The following RABGAP1 variants were observed in gnomAD, a reference collection of about 807,000 sequenced individuals.
The protein encoded by RABGAP1 is RAB GTPase activating protein 1, also known as rab GTPase-activating protein 1.
A neutral mutation model predicts 137.6 loss-of-function variants in RABGAP1; 23 were observed. That is an observed-to-expected ratio of 0.17 (90% CI 0.12 to 0.24). RABGAP1 has a LOEUF of 0.24. Ranked by LOEUF, RABGAP1 falls within the 10% of genes least tolerant of loss-of-function variation. The probability of loss-of-function intolerance (pLI) is 1.00; values close to 1 mark genes in which losing one functional copy is unlikely to be tolerated. For synonymous variants in RABGAP1, 451 were observed against 450.7 expected (o/e 1.00, Z -0.01); for missense variants, 906 against 1,275.8 (o/e 0.71, Z 4.42).
At chr9:122,940,150 T>C (rs950871368), upstream of RABGAP1, 1 of 152,224 alleles carries the variant, frequency 6.6e-6, no homozygotes, top group Non-Finnish European at 1.5e-5. Flanking sequence ...CACTGCATCC[T>C]GGACAAGATA....
In RABGAP1 at chr9:123,045,184, T is replaced by C. The variant is rs537571176; in HGVS notation, c.1795-20164T>C. Among the ~76,000 whole-genome samples the C allele has an allele frequency of 4.6e-5, 7 of 152,372 alleles. 1 individual carries two copies. The South Asian group carries it at 1.0e-3, about 23-fold the overall frequency. ...GCAAATACTTACTGAGTTGAATTGT[T>C]AAGGCAATATTTTGGGGAGAAAGAC... On this transcript the variant is annotated intron_variant, in intron 13 of 25. Coordinates refer to ENST00000373647, the MANE Select transcript of RABGAP1 (RefSeq NM_012197.4).
At chr9:122,950,387 T>C (rs1334425758) in intron 1 of RABGAP1, among the ~76,000 whole-genome samples, 4 of 144,900 alleles carry the variant, frequency 2.8e-5, no homozygotes, top group African/African-American at 7.6e-5. Flanking sequence ...CTTTTTTTTT[T>C]TTTTTTTTTT....
chr9:123,039,074 C>T (rs2132013830), intron 13 of RABGAP1, among the ~76,000 whole-genome samples: 1 of 152,100 alleles, frequency 6.6e-6, no homozygotes, highest in East Asian at 1.9e-4. Flanking sequence ...AAGTGCTTTG[C>T]AAATAAAAAT....
chr9:122,977,083 A>T (rs565974311), intron 2 of RABGAP1, among the ~76,000 whole-genome samples: 1 of 152,322 alleles, frequency 6.6e-6, no homozygotes, highest in Admixed American at 6.5e-5. Flanking sequence ...TTTGGGCTTT[A>T]TCTTGTGGGC....
At chr9:122,982,137 A>C (rs997917503) in intron 2 of RABGAP1, among the ~76,000 whole-genome samples, 1 of 152,270 alleles carries the variant, frequency 6.6e-6, no homozygotes, top group South Asian at 2.1e-4. Flanking sequence ...CTAACATGAT[A>C]ATTGTTGAGT....
intron 19 of RABGAP1, among the ~76,000 whole-genome samples, chr9:123,083,422 A>T (rs545933185): frequency 6.6e-6 from 1 of 152,120 alleles, no homozygotes; most frequent in Admixed American, 6.5e-5. Context: ...TTCTGAATGG[A>T]TGCTCTCTCT....
chr9:122,987,201 A>G (rs1281701492), intron 4 of RABGAP1, among the ~76,000 whole-genome samples: 1 of 152,210 alleles, frequency 6.6e-6, no homozygotes, highest in East Asian at 1.9e-4. Context: ...AGCTGTTTAT[A>G]CTAATAGAAC....
the RABGAP1 span, among the ~76,000 whole-genome samples, chr9:122,933,066 G>C: frequency 6.6e-6 from 1 of 152,132 alleles, no homozygotes; most frequent in African/African-American, 2.4e-5. Context: ...TGGGTGGAAT[G>C]TTCTGTATAT....
intron 6 of RABGAP1, among the ~76,000 whole-genome samples, chr9:122,991,105 G>A (rs974536672): frequency 2.0e-5 from 3 of 151,692 alleles, no homozygotes; most frequent in Non-Finnish European, 4.4e-5. Flanking sequence ...CCATGGAATA[G>A]AAGTCAAAAC....
chr9:123,041,565 A>G (rs945695664), intron 13 of RABGAP1, among the ~76,000 whole-genome samples: 7 of 152,230 alleles, frequency 4.6e-5, no homozygotes, highest in African/African-American at 1.7e-4. Flanking sequence ...TTGAATATGC[A>G]TATTTCTGTT....
At chr9:122,996,931 A>G (rs765045526) in intron 8 of RABGAP1, 4 of 500,974 alleles carry the variant, frequency 8.0e-6, no homozygotes, top group Non-Finnish European at 1.5e-5. Context: ...AGTAGGAGTT[A>G]TTAGTATTAT....
chr9:123,038,818 C>T (rs561100839), intron 13 of RABGAP1, among the ~76,000 whole-genome samples: 35 of 151,706 alleles, frequency 2.3e-4, no homozygotes, highest in African/African-American at 5.6e-4. Context: ...TGGCTGTAAA[C>T]GAGTCATTTG....
intron 13 of RABGAP1, among the ~76,000 whole-genome samples, chr9:123,052,812 C>T (rs1482788948): frequency 2.0e-5 from 3 of 152,112 alleles, no homozygotes; most frequent in East Asian, 1.9e-4. Context: ...TGATGGTGCA[C>T]GCCTGTAATC....
intron 6 of RABGAP1, among the ~76,000 whole-genome samples, chr9:122,993,024 AATT>A (rs1326123029): frequency 4.6e-5 from 7 of 151,776 alleles, no homozygotes; most frequent in East Asian, 1.9e-4. Context: ...GTTTTCAAAG[AATT>A]ATTATTATGA....
At chr9:122,963,436 A>C (rs1161428377) in intron 2 of RABGAP1, among the ~76,000 whole-genome samples, 1 of 152,186 alleles carries the variant, frequency 6.6e-6, no homozygotes, top group African/African-American at 2.4e-5. Flanking sequence ...GTATTAATCC[A>C]ACCATAAGGG....
At chr9:123,019,868 T>C (rs2031502222) in intron 12 of RABGAP1, among the ~76,000 whole-genome samples, 1 of 151,998 alleles carries the variant, frequency 6.6e-6, no homozygotes, top group Non-Finnish European at 1.5e-5. Context: ...TTTTTGTATT[T>C]AGATGGGGTT....
chr9:123,034,977 T>C, intron 13 of RABGAP1: 1 of 1,613,768 alleles, frequency 6.2e-7, no homozygotes, highest in South Asian at 1.1e-5. Flanking sequence ...CTTTAACCTA[T>C]AATACTCTGG....
chr9:122,989,908 T>C, intron 5 of RABGAP1, 148 bp from the exon 6 acceptor site: 1 of 892,398 alleles, frequency 1.1e-6, no homozygotes. Flanking sequence ...TTGCTTGCTT[T>C]ATAGGCCTAA....
chr9:123,074,307 A>G lies in RABGAP1; in HGVS notation c.2132A>G (p.Asn711Ser), dbSNP rs757216548. The change falls in exon 17 of 26, where the codon AAC (asparagine) becomes AGC (serine). Residue 711 changes from asparagine to serine, a missense_variant. Physicochemically the swap from Asn to Ser is conservative, Grantham distance 46 (BLOSUM62 1). Coordinates refer to ENST00000373647, the MANE Select transcript of RABGAP1 (RefSeq NM_012197.4). Reference sequence around the variant, plus strand: ...CAGGAATACATTCCTGACCTGTACAACCACTTCCTGGATATAAGCCTTGAA... The same window carrying G: ...CAGGAATACATTCCTGACCTGTACAGCCACTTCCTGGATATAAGCCTTGAA... ...LMQEYIPDLYNHFLDISLEAH... is the reference protein window; with the variant it reads ...LMQEYIPDLYSHFLDISLEAH... 19 of 1,613,590 alleles carry G rather than the reference A, an allele frequency of 1.2e-5. No homozygotes were observed. The highest frequency in any genetic ancestry group is 1.1e-4 in the East Asian group (5 of 44,884).
Sources: allele counts gnomAD v4.1 joint callset (sites outside exome capture counted in the v4.1 genomes callset), GRCh38; gene constraint gnomAD v4.1.1; transcripts MANE v1.5; gene names NCBI Gene and HGNC (gene_info 2026-07-23, HGNC 2026-07-21).